The following LSS variants were observed in gnomAD, a reference collection of about 807,000 sequenced individuals.
LSS encodes lanosterol synthase.
Under a neutral mutation model 110.3 loss-of-function variants are expected in LSS, and 90 were observed. The observed-to-expected ratio is 0.82, with a 90% CI of 0.69 to 0.97. LSS has a LOEUF of 0.97. Among genes scored for constraint, LSS ranks in the 50% least tolerant of loss-of-function variants. The pLI is 0.00. For synonymous variants in LSS, 433 were observed against 400.0 expected (o/e 1.08, Z -0.98); for missense variants, 927 against 990.0 (o/e 0.94, Z 0.85).
In LSS at chr21:46,190,390, T is replaced by A. The variant is rs1174141093; in HGVS notation, c.*714A>T. Reference sequence around the variant, plus strand: ...TCCCTGCTGCACAGACTTGGGATGTTCCATGACAGACCCTGCATATGCAGG... The same window carrying A: ...TCCCTGCTGCACAGACTTGGGATGTACCATGACAGACCCTGCATATGCAGG... On this transcript the variant is annotated 3_prime_UTR_variant, in exon 22 of 22. Transcript: ENST00000397728. This position sits in a 1 kb window ranked among gnomAD's most constrained non-coding sequence, Gnocchi z 4.6. The A allele has an allele frequency of 6.5e-6, 1 of 153,422 alleles. No homozygotes were observed. Among genetic ancestry groups the A allele is most frequent in the East Asian group, 1.9e-4 (1 of 5,230 alleles). 9.5% of individuals were successfully genotyped at this position (153,422 alleles called of 1,614,324 possible).
At chr21:46,220,277 C>A (rs373679669) in intron 5 of LSS, 1 of 152,290 alleles carries the variant, frequency 6.6e-6, no homozygotes, top group African/African-American at 2.4e-5. Context: ...TGGTGGGAAC[C>A]GGACAGCAGC....
rs1174538054 is a variant in LSS, at chr21:46,228,618, C to A, written c.15-19G>T. ...CAGACACCTGAGGACCACCGGCCATCAGCGACCCAGGCCCCGCCCCAACGC... is the reference window on the plus strand; with the variant it reads ...CAGACACCTGAGGACCACCGGCCATAAGCGACCCAGGCCCCGCCCCAACGC... On this transcript the variant is annotated intron_variant, in intron 1 of 21. Transcript: ENST00000397728. 2 of 1,591,876 alleles carry A rather than the reference C, an allele frequency of 1.3e-6. No individual in the cohort carries two copies. Among genetic ancestry groups the A allele is most frequent in the Non-Finnish European group, 1.7e-6 (2 of 1,175,826 alleles).
intron 4 of LSS, 100 bp from the exon 5 acceptor site, chr21:46,222,075 T>TA (rs2080286224): frequency 7.1e-7 from 1 of 1,402,544 alleles, no homozygotes; most frequent in Non-Finnish European, 9.9e-7. Flanking sequence ...CTAAGAATGC[T>TA]AAAATGCCTT....
chr21:46,223,172 A>G (rs1046434465), intron 3 of LSS, among the ~76,000 whole-genome samples: 2 of 152,264 alleles, frequency 1.3e-5, no homozygotes, highest in African/African-American at 2.4e-5. Context: ...TCACCCTTGC[A>G]TGTGGTAATA....
Position 46,189,160 on chromosome 21 carries a change from A to G in LSS, c.*1944T>C. On this transcript the variant is annotated 3_prime_UTR_variant, in exon 22 of 22. Coordinates refer to ENST00000397728, the MANE Select transcript of LSS (RefSeq NM_002340.6). ...GGAATCAATGTCTGTTTATTAAGGC[A>G]GATGCTCATAAAAGTGACTTTCAGT... 4.4e-6 allele frequency: 1 copy of G among 227,184 alleles called. No homozygotes were observed. Among genetic ancestry groups the G allele is most frequent in the South Asian group, 6.2e-5 (1 of 16,132 alleles). 14.1% of individuals were successfully genotyped at this position (227,184 alleles called of 1,614,324 possible).
At chr21:46,212,344 G>A (rs1049431247) in intron 11 of LSS, among the ~76,000 whole-genome samples, 1 of 152,214 alleles carries the variant, frequency 6.6e-6, no homozygotes, top group African/African-American at 2.4e-5. Context: ...ATCAGGTGGG[G>A]GACAGAAGAC....
rs371394924 is a variant in LSS, at chr21:46,227,632, C to T, written c.239G>A (p.Gly80Glu). The change falls in exon 3 of 22, where the codon GGG (glycine) becomes GAG (glutamate). Residue 80 changes from glycine to glutamate, a missense_variant. By Grantham distance (98) the Gly-to-Glu change is moderately conservative (BLOSUM62 -2). Transcript: ENST00000397728. ...CTGCAGCCCCACGTAAAATGTCATC[C>T]CGTTCAGAGCCCCCTCAAAGGCGGT... ...AHTAFEGALN[G>E]MTFYVGLQAE... The T allele has an allele frequency of 1.2e-6, 2 of 1,613,888 alleles. No homozygotes were observed. Among genetic ancestry groups the T allele is most frequent in the Non-Finnish European group, 1.7e-6 (2 of 1,180,016 alleles).
chr21:46,195,842 G>T, intron 18 of LSS, 86 bp from the exon 19 acceptor site: 1 of 1,121,022 alleles, frequency 8.9e-7, no homozygotes. Context: ...ACAATCACAC[G>T]TGCCCCAGCC....
intron 17 of LSS, among the ~76,000 whole-genome samples, chr21:46,205,299 GCAGGAGA>G (rs1314417432): frequency 6.6e-6 from 1 of 152,156 alleles, no homozygotes; most frequent in Non-Finnish European, 1.5e-5. Context: ...GAGCAGGAGA[GCAGGAGA>G]GCAGGAGAAG....
intron 8 of LSS, 122 bp downstream of exon 8, chr21:46,215,563 C>G (rs1030266718): frequency 1.4e-6 from 1 of 703,490 alleles, no homozygotes; most frequent in African/African-American, 1.8e-5. Flanking sequence ...GATCCCGCCC[C>G]CTGGGGCCTG....
At position 46,195,761 on chromosome 21, in the gene LSS, A is replaced by C; in HGVS notation, c.1737-5T>G. 2 of 1,612,494 alleles carry C rather than the reference A, an allele frequency of 1.2e-6. No individual in the cohort carries two copies. Among genetic ancestry groups the C allele is most frequent in the Non-Finnish European group, 1.7e-6 (2 of 1,178,912 alleles). On this transcript the variant is annotated splice_polypyrimidine_tract_variant and splice_region_variant and intron_variant, in intron 18 of 21. Transcript: ENST00000397728. ...GTGAAGCAAACTCCCCAGGAGCTGG[A>C]GGGAAACAGGGAGAGCCTCAGCCCT...
intron 3 of LSS, among the ~76,000 whole-genome samples, chr21:46,226,348 C>T (rs2080339840): frequency 6.6e-6 from 1 of 152,210 alleles, no homozygotes; most frequent in Non-Finnish European, 1.5e-5. Context: ...GGGGCTGACC[C>T]ATCTCCTGAC....
chr21:46,202,318 C>T (rs1175631817), intron 17 of LSS, among the ~76,000 whole-genome samples: 3 of 142,638 alleles, frequency 2.1e-5, no homozygotes, highest in African/African-American at 7.6e-5. Flanking sequence ...GGCGTGAACC[C>T]GGGAGGCGGA....
intron 19 of LSS, 113 bp from the exon 20 acceptor site, chr21:46,194,774 C>T (rs2079884430): frequency 4.8e-6 from 5 of 1,046,940 alleles, no homozygotes; most frequent in Non-Finnish European, 6.8e-6. Context: ...ACGATGGGGC[C>T]ACCCTACCTA....
chr21:46,206,131 G>A (rs1434998961), intron 16 of LSS, among the ~76,000 whole-genome samples, 190 bp from the exon 17 acceptor site: 1 of 152,222 alleles, frequency 6.6e-6, no homozygotes, highest in East Asian at 1.9e-4. Context: ...GAGCGAAGAT[G>A]AGGGGAACAC....
intron 15 of LSS, among the ~76,000 whole-genome samples, 182 bp from the exon 16 acceptor site, chr21:46,206,950 C>T (rs976159676): frequency 3.3e-5 from 5 of 152,160 alleles, no homozygotes; most frequent in African/African-American, 1.2e-4. Flanking sequence ...CAGCTGCAAC[C>T]TCATCTGTCA....
At chr21:46,201,979 G>T (rs1053198858) in intron 17 of LSS, among the ~76,000 whole-genome samples, 1 of 150,970 alleles carries the variant, frequency 6.6e-6, no homozygotes, top group Non-Finnish European at 1.5e-5. Context: ...TGTATTTTTA[G>T]TAGACAAGGT....
intron 17 of LSS, 135 bp from the exon 18 acceptor site, chr21:46,196,402 A>G: frequency 1.4e-6 from 1 of 701,408 alleles, no homozygotes; most frequent in Non-Finnish European, 2.5e-6. Context: ...CAGTTTACAC[A>G]GACCGATGAG....
chr21:46,224,605 G>A (rs948637923), intron 3 of LSS: 2 of 152,072 alleles, frequency 1.3e-5, no homozygotes, highest in Non-Finnish European at 2.9e-5. Flanking sequence ...TTAGGACGGG[G>A]AAATGTGCAG....
Sources: gnomAD v4.1 joint callset for allele counts (sites outside exome capture counted in the v4.1 genomes callset) on GRCh38, gnomAD v4.1.1 for gene constraint, Gnocchi (gnomAD v3.1) non-coding constraint, MANE v1.5 for transcripts, NCBI Gene and HGNC (gene_info 2026-07-23, HGNC 2026-07-21) for gene names.